Variants in ANKRD6 observed in about 807,000 individuals in gnomAD.
The protein encoded by ANKRD6 is ankyrin repeat domain-containing protein 6.
A neutral mutation model predicts 82.3 loss-of-function variants in ANKRD6; 56 were observed. The observed-to-expected ratio is 0.68, with a 90% CI of 0.55 to 0.85. The LOEUF (loss-of-function observed/expected upper bound fraction) is 0.85, where lower values mean the gene tolerates loss of function less well. Among genes scored for constraint, ANKRD6 ranks in the 40% least tolerant of loss-of-function variants. The pLI is 0.00. For synonymous variants in ANKRD6, 347 were observed against 352.1 expected, an observed-to-expected ratio of 0.99 and a Z score of 0.16; for missense variants, 852 against 907.6, an observed-to-expected ratio of 0.94 and a Z score of 0.79.
chr6:89,494,919 G>A (rs1437151472), intron 1 of ANKRD6, among the ~76,000 whole-genome samples: 2 of 152,204 alleles, frequency 1.3e-5, no homozygotes, highest in Admixed American at 6.5e-5. Context: ...TTGGGGCCTG[G>A]TCTTGGAACC....
At chr6:89,556,850 T>G (rs1786671373) in intron 1 of ANKRD6, among the ~76,000 whole-genome samples, 1 of 152,230 alleles carries the variant, frequency 6.6e-6, no homozygotes, top group Non-Finnish European at 1.5e-5. Context: ...ATTTTACATG[T>G]GCAGAAACAG....
rs537910759 is a variant in ANKRD6, at chr6:89,497,764, G to A, written c.-144+64389G>A. ...AAAATTTATCCATTATAACTATGCAGTTTGGTGATTTTTAAAGTAATTTCA... is the reference window on the plus strand; with the variant it reads ...AAAATTTATCCATTATAACTATGCAATTTGGTGATTTTTAAAGTAATTTCA... On this transcript the variant is annotated intron_variant, in intron 1 of 15. Coordinates refer to ENST00000339746, the MANE Select transcript of ANKRD6 (RefSeq NM_001242809.2). 9.9e-5 allele frequency among the ~76,000 whole-genome samples: 15 copies of A among 152,210 alleles called. No individual in the cohort carries two copies. The South Asian group carries it at 2.9e-3, about 29-fold the overall frequency.
At chr6:89,443,567 C>A (rs1215734645) in intron 1 of ANKRD6, among the ~76,000 whole-genome samples, 1 of 152,124 alleles carries the variant, frequency 6.6e-6, no homozygotes, top group Non-Finnish European at 1.5e-5. Flanking sequence ...CAGGTTCAAG[C>A]AATCCTCCCA....
chr6:89,594,480 A>G (rs962625037), intron 2 of ANKRD6, among the ~76,000 whole-genome samples: 7 of 152,156 alleles, frequency 4.6e-5, no homozygotes, highest in Admixed American at 4.6e-4. Context: ...AAAGGTTTGA[A>G]ACAAGCAACA....
intron 10 of ANKRD6, among the ~76,000 whole-genome samples, chr6:89,622,289 T>C (rs893609912): frequency 6.6e-6 from 1 of 152,232 alleles, no homozygotes; most frequent in Non-Finnish European, 1.5e-5. Context: ...AGCCCAGGTA[T>C]CTGTGGCCTT....
intron 1 of ANKRD6, among the ~76,000 whole-genome samples, chr6:89,510,196 C>A (rs1038948079): frequency 2.0e-5 from 3 of 152,202 alleles, no homozygotes; most frequent in African/African-American, 7.2e-5. Context: ...CAGCCTCAGC[C>A]AGCCCTAAGT....
chr6:89,486,076 G>A (rs1200552275), intron 1 of ANKRD6, among the ~76,000 whole-genome samples: 3 of 152,136 alleles, frequency 2.0e-5, no homozygotes, highest in Non-Finnish European at 4.4e-5. Flanking sequence ...AAAAAATGGG[G>A]TCATAATGTA....
intron 15 of ANKRD6, 37 bp downstream of exon 15, chr6:89,629,275 A>G: frequency 6.2e-7 from 1 of 1,612,738 alleles, no homozygotes. Context: ...GTCCAAAAGG[A>G]ACACGACCAG....
At chr6:89,621,373 C>T (rs572934489) in intron 9 of ANKRD6, 1 of 158,726 alleles carries the variant, frequency 6.3e-6, no homozygotes, top group South Asian at 1.8e-4. Flanking sequence ...GTAAATGCTT[C>T]CTTTTGGGGA....
chr6:89,582,355 A>C (rs2128120046), intron 2 of ANKRD6, among the ~76,000 whole-genome samples: 1 of 152,052 alleles, frequency 6.6e-6, no homozygotes, highest in South Asian at 2.1e-4. Flanking sequence ...ATGCCAGGCT[A>C]ACTTTTTTTA....
At chr6:89,544,748 A>G (rs1784866330) in intron 1 of ANKRD6, among the ~76,000 whole-genome samples, 1 of 151,868 alleles carries the variant, frequency 6.6e-6, no homozygotes, top group Non-Finnish European at 1.5e-5. Context: ...ACAAACAAAA[A>G]AACCAGTGGG....
chr6:89,605,190 T>G (rs1332747480), intron 4 of ANKRD6, among the ~76,000 whole-genome samples: 2 of 152,328 alleles, frequency 1.3e-5, no homozygotes, highest in African/African-American at 4.8e-5. Flanking sequence ...AAGACCAGCC[T>G]AGCCAACATA....
chr6:89,622,022 G>A lies in ANKRD6; in HGVS notation c.893G>A (p.Ser298Asn). Residue 298 changes from serine (S) to asparagine (N), a missense_variant, in exon 10 of 16, where the codon AGC (serine) becomes AAC (asparagine). Transcript: ENST00000339746. ...QSVPRDEVAQ[S>N]KGSVSAGDTP... ...GTGCCAAGAGATGAGGTGGCCCAAAGCAAGGTGGGGGGCAGTCCTCCCGCC... is the reference window on the plus strand; with the variant it reads ...GTGCCAAGAGATGAGGTGGCCCAAAACAAGGTGGGGGGCAGTCCTCCCGCC... The A allele has an allele frequency of 6.2e-7, 1 of 1,612,056 alleles. No homozygotes were observed. Among genetic ancestry groups the A allele is most frequent in the African/African-American group, 1.3e-5 (1 of 74,986 alleles).
At chr6:89,475,443 G>A (rs1159103800) in intron 1 of ANKRD6, among the ~76,000 whole-genome samples, 1 of 152,156 alleles carries the variant, frequency 6.6e-6, no homozygotes, top group Non-Finnish European at 1.5e-5. Flanking sequence ...AATTGATTCT[G>A]TTTGTTAGCA....
At chr6:89,553,949 G>T (rs1054176993) in intron 1 of ANKRD6, among the ~76,000 whole-genome samples, 1 of 152,172 alleles carries the variant, frequency 6.6e-6, no homozygotes, top group African/African-American at 2.4e-5. Flanking sequence ...GGACCCTTAG[G>T]TTACAAAGTA....
intron 1 of ANKRD6, among the ~76,000 whole-genome samples, chr6:89,527,122 A>G (rs1782588079): frequency 6.6e-6 from 1 of 152,212 alleles, no homozygotes; most frequent in Non-Finnish European, 1.5e-5. Context: ...GCATAGGTAT[A>G]TGTTGGAAAT....
intron 2 of ANKRD6, among the ~76,000 whole-genome samples, chr6:89,588,082 C>A (rs1397904560): frequency 1.3e-5 from 2 of 152,156 alleles, no homozygotes; most frequent in Non-Finnish European, 2.9e-5. Context: ...TCAGGGAACA[C>A]CATCTATGAT....
rs538397854 is a variant in ANKRD6 at position 89,551,298 on chromosome 6, C to T, written c.-143-15536C>T. ...TTTTCATGTCATTCTTCTTCCTTTGCGTCTCCTCTCCTACCCCCAGCTCTT... is the reference window on the plus strand; with the variant it reads ...TTTTCATGTCATTCTTCTTCCTTTGTGTCTCCTCTCCTACCCCCAGCTCTT... On this transcript the variant is annotated intron_variant, in intron 1 of 15. Transcript: ENST00000339746. 1.7e-3 allele frequency among the ~76,000 whole-genome samples: 253 copies of T among 152,304 alleles called. 1 individual carries two copies. Among genetic ancestry groups the T allele is most frequent in the African/African-American group, 5.6e-3 (234 of 41,562 alleles).
chr6:89,456,476 G>A (rs1773525974), intron 1 of ANKRD6, among the ~76,000 whole-genome samples: 1 of 152,154 alleles, frequency 6.6e-6, no homozygotes, highest in South Asian at 2.1e-4. Context: ...TTCTCTCTGT[G>A]TTCTCACTTG....
Sources: allele counts gnomAD v4.1 joint callset (sites outside exome capture counted in the v4.1 genomes callset), GRCh38; gene constraint gnomAD v4.1.1; transcripts MANE v1.5; gene names NCBI Gene and HGNC (gene_info 2026-07-23, HGNC 2026-07-21).